Variants in AGMO observed in about 807,000 individuals in gnomAD.
AGMO encodes glyceryl-ether monooxygenase.
Under a neutral mutation model 60.2 loss-of-function variants are expected in AGMO, and 75 were observed. The observed-to-expected ratio is 1.25, with a 90% CI of 1.03 to 1.51. The LOEUF (loss-of-function observed/expected upper bound fraction) is 1.51, where lower values mean the gene tolerates loss of function less well. Ranked by LOEUF, AGMO falls within the 40% of genes most tolerant of loss-of-function variation. The probability of loss-of-function intolerance (pLI) is 0.00; values close to 1 mark genes in which losing one functional copy is unlikely to be tolerated. For synonymous variants in AGMO, 261 were observed against 177.1 expected, an observed-to-expected ratio of 1.47 and a Z score of -3.76; for missense variants, 763 against 525.5, an observed-to-expected ratio of 1.45 and a Z score of -4.42.
At chr7:15,221,206 C>T (rs1012249290) in intron 12 of AGMO, among the ~76,000 whole-genome samples, 4 of 152,014 alleles carry the variant, frequency 2.6e-5, no homozygotes, top group African/African-American at 7.2e-5. Flanking sequence ...ACATGTGTGT[C>T]GGATCAGAGT....
chr7:15,394,696 T>A (rs570824978), intron 5 of AGMO, among the ~76,000 whole-genome samples: 1 of 152,158 alleles, frequency 6.6e-6, no homozygotes, highest in Non-Finnish European at 1.5e-5. Context: ...AACTGTGTTA[T>A]GTTTCCCGGA....
At chr7:15,239,200 T>C (rs1244461446) in intron 12 of AGMO, among the ~76,000 whole-genome samples, 2 of 152,068 alleles carry the variant, frequency 1.3e-5, no homozygotes, top group African/African-American at 4.8e-5. Context: ...AGGGAAAATA[T>C]CACAATGAGA....
chr7:15,188,472 A>T, the AGMO span, among the ~76,000 whole-genome samples: 1 of 152,222 alleles, frequency 6.6e-6, no homozygotes, highest in Non-Finnish European at 1.5e-5. Context: ...TGTACTAAAC[A>T]TAAGTATACT....
At chr7:15,337,560 T>TA (rs1781700425) in intron 12 of AGMO, among the ~76,000 whole-genome samples, 1 of 152,118 alleles carries the variant, frequency 6.6e-6, no homozygotes, top group Admixed American at 6.6e-5. Context: ...GGAAAACTGA[T>TA]TAAATCTACC....
At chr7:15,354,781 T>G (rs554776244) in intron 12 of AGMO, among the ~76,000 whole-genome samples, 1 of 151,336 alleles carries the variant, frequency 6.6e-6, no homozygotes, top group Admixed American at 6.6e-5. Context: ...ATAACCCCAG[T>G]GTTTACGTTT....
rs1390887339 is a variant in AGMO at position 15,347,036 on chromosome 7, A to AGTAGGTACTACATTAAGGTGAAT, written c.1263+18455_1263+18477dup. On this transcript the variant is annotated intron_variant, in intron 12 of 12. Coordinates refer to ENST00000342526, the MANE Select transcript of AGMO (RefSeq NM_001004320.2). ...TCTCTTCTATATCCATTTGAATATA[A>AGTAGGTACTACATTAAGGTGAAT]GTAGGTACTACATTAAGGTGAATGT... Among the ~76,000 whole-genome samples, 4 of 152,144 alleles carry AGTAGGTACTACATTAAGGTGAAT rather than the reference A, an allele frequency of 2.6e-5. No individual in the cohort carries two copies. In the East Asian group the frequency reaches 7.7e-4, roughly 29 times the overall value.
intron 3 of AGMO, among the ~76,000 whole-genome samples, chr7:15,514,866 T>C (rs1178190925): frequency 6.6e-6 from 1 of 152,222 alleles, no homozygotes; most frequent in Non-Finnish European, 1.5e-5. Flanking sequence ...CTCCCTCATC[T>C]ACCACATCTC....
chr7:15,308,543 G>A (rs1487844700), intron 12 of AGMO, among the ~76,000 whole-genome samples: 1 of 151,942 alleles, frequency 6.6e-6, no homozygotes, highest in African/African-American at 2.4e-5. Flanking sequence ...TGTCATATTT[G>A]CTTGTCTCAT....
intron 10 of AGMO, among the ~76,000 whole-genome samples, chr7:15,373,625 C>T (rs755459078): frequency 2.0e-5 from 3 of 152,096 alleles, no homozygotes; most frequent in African/African-American, 7.2e-5. Flanking sequence ...CATTTCTCCA[C>T]CAAACAAACC....
intron 12 of AGMO, among the ~76,000 whole-genome samples, chr7:15,229,166 A>G (rs1266431587): frequency 3.9e-5 from 6 of 152,048 alleles, no homozygotes; most frequent in Non-Finnish European, 7.4e-5. Context: ...ATTAGCTACA[A>G]TGTTGCCTCC....
chr7:15,524,623 G>A (rs1784077136), intron 3 of AGMO, among the ~76,000 whole-genome samples: 1 of 152,080 alleles, frequency 6.6e-6, no homozygotes, highest in African/African-American at 2.4e-5. Context: ...AGCACTTTGG[G>A]AGGCCAAGGT....
intron 12 of AGMO, among the ~76,000 whole-genome samples, chr7:15,223,511 A>G (rs565409983): frequency 6.6e-6 from 1 of 152,134 alleles, no homozygotes; most frequent in African/African-American, 2.4e-5. Context: ...TAAAAAGAAA[A>G]TGTAAAGAAC....
At chr7:15,175,274 G>T in the AGMO span, among the ~76,000 whole-genome samples, 24 of 151,874 alleles carry the variant, frequency 1.6e-4, no homozygotes, top group African/African-American at 5.5e-4. Flanking sequence ...AAAAAGAAAA[G>T]AGCTACTTTA....
At chr7:15,223,213 G>T (rs1156349810) in intron 12 of AGMO, among the ~76,000 whole-genome samples, 2 of 151,856 alleles carry the variant, frequency 1.3e-5, no homozygotes, top group East Asian at 3.8e-4. Context: ...ACAGTAAGAA[G>T]TGTTATAGTA....
intron 4 of AGMO, among the ~76,000 whole-genome samples, chr7:15,425,330 G>C (rs1781030747): frequency 6.6e-6 from 1 of 151,786 alleles, no homozygotes; most frequent in African/African-American, 2.4e-5. Flanking sequence ...AATATAATAA[G>C]ATCATCATTG....
intron 5 of AGMO, among the ~76,000 whole-genome samples, chr7:15,415,894 A>C (rs1469014049): frequency 6.6e-6 from 1 of 152,230 alleles, no homozygotes; most frequent in Non-Finnish European, 1.5e-5. Flanking sequence ...CTTTAGATCC[A>C]TGAACAATAC....
chr7:15,261,401 C>T (rs1783267928), intron 12 of AGMO, among the ~76,000 whole-genome samples: 1 of 151,902 alleles, frequency 6.6e-6, no homozygotes, highest in South Asian at 2.1e-4. Flanking sequence ...GGAAATCCTA[C>T]AAGAGATGAA....
chr7:15,402,375 A>G (rs192047375), intron 5 of AGMO, among the ~76,000 whole-genome samples: 2 of 149,992 alleles, frequency 1.3e-5, no homozygotes, highest in African/African-American at 2.4e-5. Context: ...GTATCCATCT[A>G]TCTTATCTAT....
intron 10 of AGMO, among the ~76,000 whole-genome samples, chr7:15,371,862 A>T (rs1375364842): frequency 6.6e-6 from 1 of 152,076 alleles, no homozygotes; most frequent in Non-Finnish European, 1.5e-5. Context: ...TATATTCCTC[A>T]AACTTTAAAA....
Sources: gnomAD v4.1 joint callset for allele counts (sites outside exome capture counted in the v4.1 genomes callset) on GRCh38, gnomAD v4.1.1 for gene constraint, MANE v1.5 for transcripts, NCBI Gene and HGNC (gene_info 2026-07-23, HGNC 2026-07-21) for gene names.